FRMPD2: variants seen among roughly 807,000 people sequenced by gnomAD.
FRMPD2 encodes FERM and PDZ domain containing 2.
Under a neutral mutation model 140.1 loss-of-function variants are expected in FRMPD2, and 96 were observed. The observed-to-expected ratio is 0.69, with a 90% CI of 0.58 to 0.81. FRMPD2 has a LOEUF of 0.81. FRMPD2 is among the 40% of genes least tolerant of loss of function. The pLI is 0.00. For synonymous variants in FRMPD2, 449 were observed against 547.6 expected, an observed-to-expected ratio of 0.82 and a Z score of 2.52; for missense variants, 1,240 against 1,447.4, an observed-to-expected ratio of 0.86 and a Z score of 2.32.
chr10:48,209,375 T>A (rs1839269030), intron 13 of FRMPD2, among the ~76,000 whole-genome samples: 1 of 152,214 alleles, frequency 6.6e-6, no homozygotes, highest in Admixed American at 6.5e-5. Flanking sequence ...CTAATATAGT[T>A]GTGAATCTAC....
Position 48,211,987 on chromosome 10 carries a change from C to T in FRMPD2, c.1578G>A (p.Leu526=), listed in dbSNP as rs1369047868. 7.4e-6 allele frequency: 12 copies of T among 1,613,852 alleles called. No individual in the cohort carries two copies. The highest frequency in any genetic ancestry group is 1.3e-5 in the African/African-American group (1 of 74,920). The change falls in exon 13 of 29, where the codon CTG becomes CTA. Residue 526 remains leucine, a synonymous_variant. Transcript: ENST00000374201. ...ACTTCAGCTCAGCATCCTCTCCCCA[C>T]AGTGCAGAGCTGAGCCGGTGCATCT... ...VSEMHRLSSA[L]WGEDAELKFL... is the part of the protein sequence containing the mutation.
At chr10:48,221,997 G>GATGGATGT (rs1376315592) in intron 12 of FRMPD2, among the ~76,000 whole-genome samples, 7 of 151,548 alleles carry the variant, frequency 4.6e-5, no homozygotes, top group African/African-American at 1.7e-4. Context: ...TGGATGGATG[G>GATGGATGT]ATGGATGGAT....
At chr10:48,188,965 A>C (rs965109150) in intron 16 of FRMPD2, among the ~76,000 whole-genome samples, 1 of 152,200 alleles carries the variant, frequency 6.6e-6, no homozygotes, top group Non-Finnish European at 1.5e-5. Context: ...GAATGGGTGC[A>C]GTTTCAATTT....
chr10:48,209,482 C>A (rs1839271263), intron 13 of FRMPD2, among the ~76,000 whole-genome samples: 6 of 152,218 alleles, frequency 3.9e-5, no homozygotes, highest in Admixed American at 2.6e-4. Flanking sequence ...CATCAGTGAA[C>A]TGGGGACCAA....
At chr10:48,251,128 A>G (rs140170650) in intron 2 of FRMPD2, among the ~76,000 whole-genome samples, 2 of 152,246 alleles carry the variant, frequency 1.3e-5, no homozygotes, top group African/African-American at 4.8e-5. Flanking sequence ...TGGGGCACAG[A>G]CTAGTGCAAC....
intron 13 of FRMPD2, among the ~76,000 whole-genome samples, chr10:48,208,422 C>G (rs1178823071): frequency 6.6e-6 from 1 of 152,194 alleles, no homozygotes; most frequent in East Asian, 1.9e-4. Context: ...TGCTAAGCCT[C>G]TCCCAGCATG....
At chr10:48,223,593 G>A (rs1839659241) in intron 10 of FRMPD2, among the ~76,000 whole-genome samples, 1 of 152,184 alleles carries the variant, frequency 6.6e-6, no homozygotes, top group Non-Finnish European at 1.5e-5. Flanking sequence ...GGAAAACCAA[G>A]GAAAGGAGTT....
At chr10:48,193,183 G>A (rs937735788) in intron 15 of FRMPD2, among the ~76,000 whole-genome samples, 3 of 152,212 alleles carry the variant, frequency 2.0e-5, no homozygotes, top group Admixed American at 6.5e-5. Context: ...GCTAACCCTA[G>A]AGTATTTGCG....
In FRMPD2 at chr10:48,244,812, G is replaced by T; in HGVS notation, c.347C>A (p.Ser116Ter). Residue 116 changes from serine to a stop codon, truncating the protein, a stop_gained, in exon 4 of 29, where the codon TCA becomes TAA. Transcript: ENST00000374201. LOFTEE classifies it high-confidence loss of function. ...VYSLGMTLYW[S>*]AGFHVPPHQP... is the part of the protein sequence containing the mutation. ...ATGTGGCGGAACATGAAACCCTGCT[G>T]ACCAGTAGAGGGTCATTCCTAAAGA... The T allele has an allele frequency of 6.2e-7, 1 of 1,613,462 alleles. No individual in the cohort carries two copies. Among genetic ancestry groups the T allele is most frequent in the South Asian group, 1.1e-5 (1 of 91,072 alleles).
intron 7 of FRMPD2, 96 bp downstream of exon 7, chr10:48,239,509 C>T (rs1406926609): frequency 1.6e-5 from 13 of 810,860 alleles, no homozygotes; most frequent in South Asian, 1.1e-4. Flanking sequence ...GAGCAAGAGG[C>T]TTCTTACTAA....
At chr10:48,183,850 T>TAAAAAAAAAAA (rs1564417711) in intron 20 of FRMPD2, among the ~76,000 whole-genome samples, 1 of 25,544 alleles carries the variant, frequency 3.9e-5, no homozygotes, top group African/African-American at 1.8e-4. Flanking sequence ...AGACTCCATC[T>TAAAAAAAAAAA]CAAAAAAAAA....
chr10:48,210,898 C>T (rs1425165050), intron 13 of FRMPD2, among the ~76,000 whole-genome samples: 1 of 152,234 alleles, frequency 6.6e-6, no homozygotes, highest in African/African-American at 2.4e-5. Flanking sequence ...CACAAATCTC[C>T]TAACTTCCTT....
chr10:48,206,735 G>A lies in FRMPD2; in HGVS notation c.1797+13C>T, dbSNP rs1166052561. On this transcript the variant is annotated intron_variant, in intron 14 of 28. Transcript: ENST00000374201. ...ATGAAGTGCAGGTTATTTATCAACT[G>A]AGCTACACTCACATAAGTAGAAATC... 6.2e-7 allele frequency: 1 copy of A among 1,608,378 alleles called. No individual in the cohort carries two copies. Among genetic ancestry groups the A allele is most frequent in the Admixed American group, 1.7e-5 (1 of 59,988 alleles).
intron 1 of FRMPD2, among the ~76,000 whole-genome samples, chr10:48,263,228 T>C (rs1363669444): frequency 6.6e-6 from 1 of 152,040 alleles, no homozygotes; most frequent in African/African-American, 2.4e-5. Context: ...AGATCTAAAA[T>C]TAATAATCTA....
At chr10:48,241,067 A>C (rs772836031) in intron 5 of FRMPD2, among the ~76,000 whole-genome samples, 1 of 150,324 alleles carries the variant, frequency 6.7e-6, no homozygotes, top group Non-Finnish European at 1.5e-5. Context: ...ACACCAGTGG[A>C]TGGTAGACCT....
At chr10:48,254,959 A>T (rs1448803982) in intron 1 of FRMPD2, among the ~76,000 whole-genome samples, 1 of 152,142 alleles carries the variant, frequency 6.6e-6, no homozygotes, top group Non-Finnish European at 1.5e-5. Context: ...CAAGTTTTTC[A>T]TGGTCTGGTG....
chr10:48,255,141 T>C (rs184201272), intron 1 of FRMPD2, among the ~76,000 whole-genome samples: 13 of 152,262 alleles, frequency 8.5e-5, no homozygotes, highest in Non-Finnish European at 1.5e-4. Context: ...AGATCTCACC[T>C]ACATAGACTG....
intron 1 of FRMPD2, among the ~76,000 whole-genome samples, chr10:48,270,366 G>T (rs1024099870): frequency 1.3e-5 from 2 of 152,204 alleles, no homozygotes; most frequent in Non-Finnish European, 2.9e-5. Context: ...TGTATCAAAA[G>T]CCAAGGGATG....
intron 1 of FRMPD2, among the ~76,000 whole-genome samples, chr10:48,266,735 G>A (rs1272114297): frequency 6.6e-6 from 1 of 152,220 alleles, no homozygotes; most frequent in Non-Finnish European, 1.5e-5. Flanking sequence ...TTCCCACCTA[G>A]TGGTGACTTG....
Sources: allele counts gnomAD v4.1 joint callset (sites outside exome capture counted in the v4.1 genomes callset), GRCh38; gene constraint gnomAD v4.1.1; transcripts MANE v1.5; gene names NCBI Gene and HGNC (gene_info 2026-07-23, HGNC 2026-07-21).